Variants in CAPN11 observed in about 807,000 individuals in gnomAD.
CAPN11 encodes calpain-11.
A neutral mutation model predicts 105.3 loss-of-function variants in CAPN11; 108 were observed. That is an observed-to-expected ratio of 1.03 (90% CI 0.88 to 1.20). The LOEUF (loss-of-function observed/expected upper bound fraction) is 1.20. Ranked by LOEUF, CAPN11 falls within the 50% of genes most tolerant of loss-of-function variation. CAPN11 has a pLI of 0.00. For missense variants in CAPN11, 883 were observed against 924.8 expected (o/e 0.95, Z 0.59); for synonymous variants, 329 against 344.5 (o/e 0.96, Z 0.50).
Position 44,166,771 on chromosome 6 carries a change from G to T in CAPN11, c.30G>T (p.Pro10=). The change falls in exon 2 of 23, where the codon CCG becomes CCT. Residue 10 remains proline, a synonymous_variant. Coordinates refer to ENST00000398776, the MANE Select transcript of CAPN11 (RefSeq NM_007058.4). ...TTCTTATTCTAGGGCCGAGTCTTCC[G>T]GAGTCAGCAGAGAGCCTGGATGGAT... The part of the protein sequence containing the change: MLYSPGPSL[P]ESAESLDGSQ... The T allele has an allele frequency of 6.4e-7, 1 of 1,551,966 alleles. No individual in the cohort carries two copies. Among genetic ancestry groups the T allele is most frequent in the Non-Finnish European group, 8.7e-7 (1 of 1,146,888 alleles).
intron 4 of CAPN11, among the ~76,000 whole-genome samples, chr6:44,170,476 C>A (rs966306263): frequency 6.6e-6 from 1 of 152,150 alleles, no homozygotes. Context: ...GCAGGAGGCC[C>A]CAGTTCCTCA....
intron 19 of CAPN11, among the ~76,000 whole-genome samples, chr6:44,182,459 C>T (rs1382783171): frequency 6.6e-6 from 1 of 152,254 alleles, no homozygotes; most frequent in African/African-American, 2.4e-5. Context: ...CTGGGCAGGG[C>T]ACCAGTGCCC....
intron 4 of CAPN11, among the ~76,000 whole-genome samples, chr6:44,170,200 C>T (rs1023890917): frequency 2.0e-5 from 3 of 152,154 alleles, no homozygotes; most frequent in South Asian, 4.2e-4. Context: ...CTGGGTCTTG[C>T]GGGGGGAATA....
chr6:44,161,780 G>C (rs1006365021), intron 1 of CAPN11: 1 of 456,118 alleles, frequency 2.2e-6, no homozygotes, highest in African/African-American at 2.0e-5. Flanking sequence ...ATCTTCCCTG[G>C]TCCTTCCAGG....
chr6:44,166,823 T>A lies in CAPN11; in HGVS notation c.82T>A (p.Cys28Ser), dbSNP rs1328487509. ...GSQEDKPRGS[C>S]AEPTFTDTGM... ...ACAGGAGGATAAGCCTCGGGGCTCA[T>A]GTGCGGGTAGGACTGCAGACCCGTC... Residue 28 changes from cysteine to serine, a missense_variant, in exon 2 of 23, where the codon TGT becomes AGT. By Grantham distance (112) the Cys-to-Ser change is moderately radical (BLOSUM62 -1). Transcript: ENST00000398776. 2 of 1,551,062 alleles carry A rather than the reference T, an allele frequency of 1.3e-6. No individual in the cohort carries two copies. The highest frequency in any genetic ancestry group is 1.7e-4 in the Middle Eastern group (1 of 6,014).
chr6:44,179,947 T>C lies in CAPN11; in HGVS notation c.1429-5T>C. 5 of 1,607,198 alleles carry C rather than the reference T, an allele frequency of 3.1e-6. No individual in the cohort carries two copies. The highest frequency in any genetic ancestry group is 3.4e-6 in the Non-Finnish European group (4 of 1,173,830). The stretch of plus-strand genomic sequence containing the variant: ...GTCCTGTACCCACTTCCAGGATGCA[T>C]ATAGTTTCAGAACATTCAGGATGTC... On this transcript the variant is annotated splice_region_variant and splice_polypyrimidine_tract_variant and intron_variant, in intron 13 of 22. Coordinates refer to ENST00000398776, the MANE Select transcript of CAPN11 (RefSeq NM_007058.4).
At chr6:44,159,293 C>T (rs1241982540) in intron 1 of CAPN11, among the ~76,000 whole-genome samples, 2 of 152,130 alleles carry the variant, frequency 1.3e-5, no homozygotes, top group African/African-American at 4.8e-5. Flanking sequence ...CCTAGAAAAG[C>T]AGGTCCCTCA....
At position 44,183,247 on chromosome 6, in the gene CAPN11, A is replaced by G. The variant is rs1470516261; in HGVS notation, c.2134+12A>G. On this transcript the variant is annotated intron_variant, in intron 21 of 22. Coordinates refer to ENST00000398776, the MANE Select transcript of CAPN11 (RefSeq NM_007058.4). ...AAAGACCATGTTCAGTGAGTTAGGC[A>G]TCTACCCACTCCCCAGCCTAGGCCA... The G allele has an allele frequency of 5.9e-6, 9 of 1,534,752 alleles. 1 individual carries two copies. Among genetic ancestry groups the G allele is most frequent in the Middle Eastern group, 3.4e-4 (2 of 5,900 alleles).
In CAPN11 at chr6:44,173,263, G is replaced by C; in HGVS notation, c.708G>C (p.Glu236Asp). The C allele has an allele frequency of 1.2e-6, 2 of 1,613,918 alleles. No individual in the cohort carries two copies. The highest frequency in any genetic ancestry group is 1.7e-6 in the Non-Finnish European group (2 of 1,179,872). Residue 236 changes from glutamate (E) to aspartate (D), a missense_variant, in exon 7 of 23, where the codon GAG becomes GAC. By Grantham distance (45) the Glu-to-Asp change is conservative. Coordinates refer to ENST00000398776, the MANE Select transcript of CAPN11 (RefSeq NM_007058.4). ...CATTGTCAGGGGGCAGTACCATGGA[G>C]GGCCTTGAGGACTTCACAGGAGGCG... ...YEALSGGSTM[E>D]GLEDFTGGVA... is the part of the protein sequence containing the mutation.
intron 12 of CAPN11, among the ~76,000 whole-genome samples, 199 bp from the exon 13 acceptor site, chr6:44,179,420 G>A (rs143882645): frequency 7.8e-4 from 118 of 151,750 alleles, no homozygotes; most frequent in African/African-American, 2.8e-3. Flanking sequence ...CACCTCTGCA[G>A]CAGAGGGATT....
intron 9 of CAPN11, 117 bp from the exon 10 acceptor site, chr6:44,176,456 CTAGATTCT>C (rs2128307673): frequency 7.8e-7 from 1 of 1,286,450 alleles, no homozygotes; most frequent in Admixed American, 1.8e-5. Context: ...GCTCCTCCCT[CTAGATTCT>C]CCATCTAGCT....
At chr6:44,168,218 T>C (rs1770306694) in intron 2 of CAPN11, among the ~76,000 whole-genome samples, 2 of 152,212 alleles carry the variant, frequency 1.3e-5, no homozygotes, top group Admixed American at 1.3e-4. Flanking sequence ...CTACGTTCTG[T>C]CTCTCTCTAT....
At chr6:44,180,199 A>G in intron 14 of CAPN11, 36 bp downstream of exon 14, 1 of 1,447,114 alleles carries the variant, frequency 6.9e-7, no homozygotes, top group Non-Finnish European at 9.6e-7. Flanking sequence ...AAGGCCCGCC[A>G]CCCAAGAGCT....
chr6:44,181,533 ACACT>A (rs1468977256), intron 19 of CAPN11, among the ~76,000 whole-genome samples: 3 of 82,142 alleles, frequency 3.7e-5, no homozygotes, highest in East Asian at 3.6e-4. Flanking sequence ...CAACCACACC[ACACT>A]CACACACACA....
chr6:44,164,492 G>A (rs759723498), intron 1 of CAPN11, among the ~76,000 whole-genome samples: 2 of 152,218 alleles, frequency 1.3e-5, no homozygotes, highest in Non-Finnish European at 2.9e-5. Context: ...AGAGCTCACA[G>A]CCTCACAGAG....
intron 2 of CAPN11, 109 bp downstream of exon 2, chr6:44,166,938 T>TGGGGTGGGGGGG: frequency 3.6e-6 from 1 of 276,490 alleles, no homozygotes. Flanking sequence ...TCATGTTGTG[T>TGGGGTGGGGGGG]GGGGAGGGCG....
chr6:44,169,559 C>T, intron 3 of CAPN11, 28 bp downstream of exon 3: 2 of 1,522,056 alleles, frequency 1.3e-6, no homozygotes, highest in Non-Finnish European at 1.8e-6. Context: ...GGCATGGACT[C>T]ATGGATGGAA....
intron 18 of CAPN11, 112 bp from the exon 19 acceptor site, chr6:44,181,140 C>T: frequency 8.3e-7 from 1 of 1,208,778 alleles, no homozygotes; most frequent in East Asian, 2.3e-5. Context: ...CTTCTGGCTG[C>T]TACAGTACCG....
Position 44,180,109 on chromosome 6 carries a change from A to G in CAPN11, c.1586A>G (p.His529Arg), listed in dbSNP as rs1772874609. Residue 529 changes from histidine to arginine, a missense_variant, in exon 14 of 23, where the codon CAC becomes CGC. Coordinates refer to ENST00000398776, the MANE Select transcript of CAPN11 (RefSeq NM_007058.4). ...ATTATTCCCTCCACCTTTGAGCCACACAGAGATGCTGACTTCCTGCTTCGG... is the reference window on the plus strand; with the variant it reads ...ATTATTCCCTCCACCTTTGAGCCACGCAGAGATGCTGACTTCCTGCTTCGG... ...YIIIPSTFEP[H>R]RDADFLLRVF... 2 of 1,613,366 alleles carry G rather than the reference A, an allele frequency of 1.2e-6. No homozygotes were observed. The highest frequency in any genetic ancestry group is 2.2e-5 in the East Asian group (1 of 44,868).
Sources: gnomAD v4.1 joint callset for allele counts (sites outside exome capture counted in the v4.1 genomes callset) on GRCh38, gnomAD v4.1.1 for gene constraint, MANE v1.5 for transcripts, NCBI Gene and HGNC (gene_info 2026-07-23, HGNC 2026-07-21) for gene names.